Variants in NTM observed in about 807,000 individuals in gnomAD.
NTM encodes the protein neurotrimin, also known as IgLON family member 2.
NTM carries 13 observed loss-of-function variants against 42.1 expected under a neutral mutation model. The observed-to-expected ratio is 0.31, with a 90% CI of 0.20 to 0.49. NTM has a LOEUF of 0.49. NTM is among the 20% of genes least tolerant of loss of function. The pLI, the probability that NTM is intolerant of heterozygous loss-of-function variation, is 0.99. For missense variants in NTM, 373 were observed against 452.8 expected (o/e 0.82, Z 1.60); for synonymous variants, 187 against 179.2 (o/e 1.04, Z -0.35).
intron 1 of NTM, among the ~76,000 whole-genome samples, chr11:131,671,202 C>T (rs2070155845): frequency 6.6e-6 from 1 of 152,162 alleles, no homozygotes; most frequent in Admixed American, 6.5e-5. Context: ...GGTCTGCACT[C>T]AGCAACTTTA....
intron 1 of NTM, among the ~76,000 whole-genome samples, chr11:131,865,178 AG>A (rs1239200157): frequency 6.6e-6 from 1 of 152,236 alleles, no homozygotes; most frequent in African/African-American, 2.4e-5. Flanking sequence ...AAGAATGCTG[AG>A]GCTTAGAAAG....
chr11:131,690,328 G>A (rs557277731), intron 1 of NTM, among the ~76,000 whole-genome samples: 7 of 152,348 alleles, frequency 4.6e-5, no homozygotes, highest in Middle Eastern at 6.8e-3. Context: ...GATGCATGTA[G>A]CAGGTAGAGA....
intron 1 of NTM, among the ~76,000 whole-genome samples, chr11:131,460,010 A>T (rs941559416): frequency 1.3e-5 from 2 of 152,236 alleles, no homozygotes; most frequent in Non-Finnish European, 2.9e-5. Flanking sequence ...CTTAAAAAAA[A>T]TGCTTAGGAA....
At chr11:132,269,370 G>A (rs965938257) in intron 4 of NTM, among the ~76,000 whole-genome samples, 2 of 152,136 alleles carry the variant, frequency 1.3e-5, no homozygotes, top group African/African-American at 4.8e-5. Context: ...GCTCCAACCA[G>A]CAGGATGTCA....
chr11:131,633,734 TCTCC>T (rs1565355180), intron 1 of NTM, among the ~76,000 whole-genome samples: 1 of 79,426 alleles, frequency 1.3e-5, no homozygotes, highest in Non-Finnish European at 2.4e-5. Context: ...TCTCTCTCTC[TCTCC>T]CTCCCTCTCT....
intron 7 of NTM, among the ~76,000 whole-genome samples, chr11:132,318,983 G>A (rs1330311985): frequency 2.0e-5 from 3 of 152,212 alleles, no homozygotes; most frequent in East Asian, 1.9e-4. Flanking sequence ...ACAGCGATGA[G>A]CCACAAGCAA....
At chr11:131,991,370 T>C (rs1008606991) in intron 2 of NTM, among the ~76,000 whole-genome samples, 1 of 152,294 alleles carries the variant, frequency 6.6e-6, no homozygotes. Context: ...TCTATCCTTT[T>C]CTCCCTTTGA....
chr11:132,088,772 T>C (rs2060046444), intron 2 of NTM, among the ~76,000 whole-genome samples: 1 of 152,216 alleles, frequency 6.6e-6, no homozygotes, highest in Non-Finnish European at 1.5e-5. Flanking sequence ...CAATGACTTG[T>C]GTGGGTCAGA....
intron 1 of NTM, among the ~76,000 whole-genome samples, chr11:131,604,083 A>T (rs953202165): frequency 6.6e-6 from 1 of 152,198 alleles, no homozygotes; most frequent in Non-Finnish European, 1.5e-5. Context: ...TGTGTTTAAA[A>T]TTTATAGGAA....
chr11:132,211,739 T>G, intron 3 of NTM: 1 of 264,648 alleles, frequency 3.8e-6, no homozygotes. Context: ...TGGGGGTGAG[T>G]GGATACAGGA....
chr11:131,370,911 C>T, intron 1 of NTM, 23 bp downstream of exon 1: 1 of 1,612,884 alleles, frequency 6.2e-7, no homozygotes, highest in Non-Finnish European at 8.5e-7. Context: ...TATTGATTTG[C>T]CTTCGGTAGA....
At chr11:132,330,054 G>T (rs574382101) in intron 7 of NTM, 99 bp from the exon 8 acceptor site, 3 of 1,524,672 alleles carry the variant, frequency 2.0e-6, no homozygotes, top group South Asian at 2.5e-5. Context: ...ACGCTGCTGC[G>T]CCAGGAGCGC....
At chr11:132,022,529 G>A (rs762126914) in intron 2 of NTM, among the ~76,000 whole-genome samples, 9 of 152,150 alleles carry the variant, frequency 5.9e-5, no homozygotes. Flanking sequence ...CACTCTTTGC[G>A]AGTTCCCTTG....
intron 1 of NTM, among the ~76,000 whole-genome samples, chr11:131,588,244 G>A (rs142102671): frequency 3.9e-5 from 6 of 152,354 alleles, no homozygotes; most frequent in South Asian, 2.1e-4. Context: ...CCAAGCAGGC[G>A]TCTGCACAGG....
chr11:132,035,876 C>G (rs1268832229), intron 2 of NTM, among the ~76,000 whole-genome samples: 1 of 152,144 alleles, frequency 6.6e-6, no homozygotes, highest in East Asian at 1.9e-4. Flanking sequence ...TCTGCCACCT[C>G]TCATCAGCAG....
At chr11:132,310,264 A>AC in intron 6 of NTM, 32 bp downstream of exon 6, 1 of 1,541,186 alleles carries the variant, frequency 6.5e-7, no homozygotes, top group Non-Finnish European at 8.7e-7. Context: ...TCCCACCCCT[A>AC]CCCCCATCTC....
intron 1 of NTM, among the ~76,000 whole-genome samples, chr11:131,753,427 A>C (rs574916831): frequency 6.6e-6 from 1 of 152,274 alleles, no homozygotes; most frequent in African/African-American, 2.4e-5. Flanking sequence ...ATGCTGCTAT[A>C]AAGACACATG....
At chr11:132,134,705 G>GTATATATA (rs57297229) in intron 2 of NTM, among the ~76,000 whole-genome samples, 6 of 75,958 alleles carry the variant, frequency 7.9e-5, no homozygotes, top group Admixed American at 3.6e-4. Flanking sequence ...GTATTCCATG[G>GTATATATA]TATATATATA....
At chr11:131,620,695 C>T (rs541432626) in intron 1 of NTM, among the ~76,000 whole-genome samples, 2 of 152,320 alleles carry the variant, frequency 1.3e-5, no homozygotes, top group Non-Finnish European at 2.9e-5. Flanking sequence ...GTCTATGCTC[C>T]CACGCTATTT....
Sources: gnomAD v4.1 joint callset for allele counts (sites outside exome capture counted in the v4.1 genomes callset) on GRCh38, gnomAD v4.1.1 for gene constraint, MANE v1.5 for transcripts, NCBI Gene and HGNC (gene_info 2026-07-23, HGNC 2026-07-21) for gene names.